The following JOSD1 variants were observed in gnomAD, a reference collection of about 807,000 sequenced individuals.
JOSD1 encodes the protein josephin-1.
A neutral mutation model predicts 24.3 loss-of-function variants in JOSD1; 11 were observed. That is an observed-to-expected ratio of 0.45 (90% confidence interval 0.29 to 0.75). The LOEUF (loss-of-function observed/expected upper bound fraction) is 0.75. Among genes scored for constraint, JOSD1 ranks in the 30% least tolerant of loss-of-function variants. The pLI is 0.11. For missense variants in JOSD1, 184 were observed against 253.5 expected, an observed-to-expected ratio of 0.73 and a Z score of 1.86; for synonymous variants, 106 against 93.8, an observed-to-expected ratio of 1.13 and a Z score of -0.75.
intron 2 of JOSD1, among the ~76,000 whole-genome samples, chr22:38,692,674 G>A (rs561639728): frequency 2.0e-5 from 3 of 151,290 alleles, no homozygotes; most frequent in South Asian, 2.1e-4. Flanking sequence ...CCAGCTACTC[G>A]GGAGGCTGAG....
At chr22:38,695,201 G>T (rs1014669952) in intron 2 of JOSD1, among the ~76,000 whole-genome samples, 5 of 152,136 alleles carry the variant, frequency 3.3e-5, no homozygotes, top group Non-Finnish European at 7.3e-5. Flanking sequence ...TGTTTGCCTA[G>T]CCCTTGGACA....
At chr22:38,691,148 T>G (rs73157171) in intron 2 of JOSD1, among the ~76,000 whole-genome samples, 4,616 of 152,234 alleles carry the variant, frequency 0.03, 121 homozygotes, top group Non-Finnish European at 0.05. Context: ...GAGTATCGCT[T>G]GAGCCTGGGA....
At position 38,700,140 on chromosome 22, in the gene JOSD1, G is replaced by C. The variant is rs1397454891; in HGVS notation, c.-153C>G. On this transcript the variant is annotated 5_prime_UTR_variant, in exon 2 of 5. Coordinates refer to ENST00000683374, the MANE Select transcript of JOSD1 (RefSeq NM_001360236.2). Reference sequence around the variant, plus strand: ...GCTTTGTCACTGGGAGAAAAGATTGGAATCAAAAGGAAAAAAATAAAACCC... The same window carrying C: ...GCTTTGTCACTGGGAGAAAAGATTGCAATCAAAAGGAAAAAAATAAAACCC... The C allele has an allele frequency of 2.3e-6, 3 of 1,330,364 alleles. No individual in the cohort carries two copies. The highest frequency in any genetic ancestry group is 2.9e-6 in the Non-Finnish European group (3 of 1,038,140). 82.4% of individuals were successfully genotyped at this position (1,330,364 alleles called of 1,614,324 possible).
At chr22:38,699,578 A>T (rs1243920116) in intron 2 of JOSD1, among the ~76,000 whole-genome samples, 1 of 152,244 alleles carries the variant, frequency 6.6e-6, no homozygotes, top group Non-Finnish European at 1.5e-5. Flanking sequence ...GGACTGTTGA[A>T]GATCACTCAA....
chr22:38,693,304 A>G (rs1376522429), intron 2 of JOSD1, among the ~76,000 whole-genome samples: 2 of 151,962 alleles, frequency 1.3e-5, no homozygotes, highest in Non-Finnish European at 2.9e-5. Flanking sequence ...ATCCTTTCCT[A>G]TTACCACTCC....
chr22:38,700,380 G>A lies in JOSD1; in HGVS notation c.-393C>T. ...CAAAGCAGGAGGACCGAACACAATC[G>A]GTCACATCGCTCCTTTTCTTCCATT... On this transcript the variant is annotated 5_prime_UTR_variant, in exon 2 of 5. The change creates a premature stop within an existing upstream ORF in the 5' untranslated region. Coordinates refer to ENST00000683374, the MANE Select transcript of JOSD1 (RefSeq NM_001360236.2). 1 of 985,172 alleles carries A rather than the reference G, an allele frequency of 1.0e-6. No homozygotes were observed. The allele number at this position is 985,172 out of a possible 1,614,324, so 61.0% of individuals were successfully genotyped here.
At chr22:38,693,521 C>T (rs2092532335) in intron 2 of JOSD1, among the ~76,000 whole-genome samples, 1 of 152,242 alleles carries the variant, frequency 6.6e-6, no homozygotes, top group African/African-American at 2.4e-5. Flanking sequence ...TTCTACACTT[C>T]CTGGCCCCAC....
At position 38,686,940 on chromosome 22, in the gene JOSD1, C is replaced by T. The variant is rs748580381; in HGVS notation, c.*962G>A. 6.6e-6 allele frequency: 1 copy of T among 152,208 alleles called. No individual in the cohort carries two copies. Among genetic ancestry groups the T allele is most frequent in the Non-Finnish European group, 1.5e-5 (1 of 68,046 alleles). The allele number at this position is 152,208 out of a possible 1,614,324, so 9.4% of individuals were successfully genotyped here. A position where few individuals can be genotyped will look rare whatever the true frequency, so the allele number is the denominator to read the frequency against. ...ACAACACTGGAGTGAAGAAACCAAG[C>T]CACCCCATGGCTGTCCCAGGTTGGC... On this transcript the variant is annotated 3_prime_UTR_variant, in exon 5 of 5. Transcript: ENST00000683374.
At chr22:38,695,397 A>G (rs2092540981) in intron 2 of JOSD1, among the ~76,000 whole-genome samples, 1 of 150,900 alleles carries the variant, frequency 6.6e-6, no homozygotes, top group African/African-American at 2.4e-5. Flanking sequence ...GCTCCTTCCA[A>G]CTTTCATTAG....
Position 38,700,212 on chromosome 22 carries a change from A to AT in JOSD1, c.-226dup. The AT allele has an allele frequency of 8.1e-7, 1 of 1,229,916 alleles. No individual in the cohort carries two copies. Among genetic ancestry groups the AT allele is most frequent in the Non-Finnish European group, 1.0e-6 (1 of 984,072 alleles). 76.2% of individuals were successfully genotyped at this position (1,229,916 alleles called of 1,614,324 possible). ...GAAAAATAACTTTTGGATTACTTTTATTTTGCTACCACTGTCAAAGTGCAG... is the reference window on the plus strand; with the variant it reads ...GAAAAATAACTTTTGGATTACTTTTATTTTTGCTACCACTGTCAAAGTGCAG... On this transcript the variant is annotated 5_prime_UTR_variant, in exon 2 of 5. An upstream open reading frame in the 5' UTR loses its in-frame stop. Coordinates refer to ENST00000683374, the MANE Select transcript of JOSD1 (RefSeq NM_001360236.2).
At chr22:38,695,575 G>A (rs1469980082) in intron 2 of JOSD1, among the ~76,000 whole-genome samples, 1 of 151,340 alleles carries the variant, frequency 6.6e-6, no homozygotes, top group African/African-American at 2.4e-5. Context: ...AGCCTCCCAA[G>A]TAGCTGGACT....
chr22:38,696,141 T>C (rs912756497), intron 2 of JOSD1, among the ~76,000 whole-genome samples: 7 of 152,136 alleles, frequency 4.6e-5, no homozygotes, highest in Admixed American at 2.0e-4. Flanking sequence ...ATGAGTCTAG[T>C]GAAAATGTTT....
Position 38,688,007 on chromosome 22 carries a change from GAA to G in JOSD1, c.510-8_510-7del. On this transcript the variant is annotated splice_region_variant and splice_polypyrimidine_tract_variant and intron_variant, in intron 4 of 4. Transcript: ENST00000683374. ...AATGATGTTTTAGAAACTTCCTATG[GAA>G]AAAGAGATAGAGAAAATGAAATGCT... 1 of 1,601,334 alleles carries G rather than the reference GAA, an allele frequency of 6.2e-7. No homozygotes were observed. Among genetic ancestry groups the G allele is most frequent in the East Asian group, 2.2e-5 (1 of 44,812 alleles).
chr22:38,689,363 C>A lies in JOSD1; in HGVS notation c.247G>T (p.Asp83Tyr). The A allele has an allele frequency of 6.2e-7, 1 of 1,614,194 alleles. No individual in the cohort carries two copies. Among genetic ancestry groups the A allele is most frequent in the Non-Finnish European group, 8.5e-7 (1 of 1,180,034 alleles). The change falls in exon 3 of 5, where the codon GAT becomes TAT. Residue 83 changes from aspartate to tyrosine, a missense_variant. Physicochemically the swap from Asp to Tyr is radical, Grantham distance 160 (BLOSUM62 -3). Transcript: ENST00000683374. ...AGTGCTGCCATAATGACATTCACAT[C>A]GTAGTTGCCATTTCCCAGCATGCTC... ...KKSMLGNGNY[D>Y]VNVIMAALQT...
At chr22:38,688,499 G>A (rs1050704482) in intron 4 of JOSD1, among the ~76,000 whole-genome samples, 4 of 152,294 alleles carry the variant, frequency 2.6e-5, no homozygotes, top group African/African-American at 9.6e-5. Context: ...CTGACCTCAG[G>A]TGATCCACCC....
chr22:38,698,833 T>C (rs1438847440), intron 2 of JOSD1, among the ~76,000 whole-genome samples: 1 of 152,180 alleles, frequency 6.6e-6, no homozygotes, highest in Non-Finnish European at 1.5e-5. Flanking sequence ...CTTGGCTCAC[T>C]GCAACCTCCA....
intron 2 of JOSD1, among the ~76,000 whole-genome samples, chr22:38,695,061 C>T (rs962946981): frequency 1.1e-4 from 16 of 152,196 alleles, no homozygotes; most frequent in Middle Eastern, 3.4e-3. Flanking sequence ...TTCTTTCTTT[C>T]CTTATCAGAT....
Position 38,686,421 on chromosome 22 carries a change from G to C in JOSD1, c.*1481C>G, listed in dbSNP as rs1478257722. 6.6e-6 allele frequency: 1 copy of C among 152,292 alleles called. No homozygotes were observed. The highest frequency in any genetic ancestry group is 1.5e-5 in the Non-Finnish European group (1 of 68,070). The allele number at this position is 152,292 out of a possible 1,614,324, so 9.4% of individuals were successfully genotyped here. On this transcript the variant is annotated 3_prime_UTR_variant, in exon 5 of 5. Coordinates refer to ENST00000683374, the MANE Select transcript of JOSD1 (RefSeq NM_001360236.2). ...AGCTCTCAGACCTGCCACGACCATTGATCTGAGGGCCAGCAGGTCACCCCT... is the reference window on the plus strand; with the variant it reads ...AGCTCTCAGACCTGCCACGACCATTCATCTGAGGGCCAGCAGGTCACCCCT...
rs1160571977 is a variant in JOSD1 at position 38,700,562 on chromosome 22, G to T, written c.-575C>A. 2 of 985,466 alleles carry T rather than the reference G, an allele frequency of 2.0e-6. No individual in the cohort carries two copies. The highest frequency in any genetic ancestry group is 1.1e-4 in the East Asian group (1 of 8,822). 61.0% of individuals were successfully genotyped at this position (985,466 alleles called of 1,614,324 possible). A position where few individuals can be genotyped will look rare whatever the true frequency, so the allele number is the denominator to read the frequency against. On this transcript the variant is annotated 5_prime_UTR_variant, in exon 2 of 5. Transcript: ENST00000683374. ...CCCTCCATCCCCTCGGGTACGGTGG[G>T]GCCCGCAGGGCGCGGCTCCCTCGGA...
Sources: gnomAD v4.1 joint callset for allele counts (sites outside exome capture counted in the v4.1 genomes callset) on GRCh38, gnomAD v4.1.1 for gene constraint, MANE v1.5 for transcripts, NCBI Gene and HGNC (gene_info 2026-07-23, HGNC 2026-07-21) for gene names.